The following CNGA1 variants were observed in gnomAD, a reference collection of about 807,000 sequenced individuals.
CNGA1 encodes cyclic nucleotide gated channel subunit alpha 1.
CNGA1 carries 53 observed loss-of-function variants against 69.7 expected under a neutral mutation model. That is an observed-to-expected ratio of 0.76 (90% confidence interval 0.61 to 0.96). The LOEUF is 0.96. Among genes scored for constraint, CNGA1 ranks in the 40% least tolerant of loss-of-function variants. The probability of loss-of-function intolerance (pLI) is 0.00; values close to 1 mark genes in which losing one functional copy is unlikely to be tolerated. For missense variants in CNGA1, 739 were observed against 811.2 expected (o/e 0.91, Z 1.08); for synonymous variants, 249 against 283.5 (o/e 0.88, Z 1.22).
At chr4:47,966,213 C>T (rs1484457503) in intron 3 of CNGA1, among the ~76,000 whole-genome samples, 1 of 152,230 alleles carries the variant, frequency 6.6e-6, no homozygotes, top group Non-Finnish European at 1.5e-5. Context: ...TGAAGTCATG[C>T]TCTAGCTTGG....
intron 2 of CNGA1, among the ~76,000 whole-genome samples, chr4:47,982,935 G>A (rs80176987): frequency 0.11 from 17,176 of 152,008 alleles, 1,543 homozygotes; most frequent in East Asian, 0.31. Context: ...CTCCCAAGTA[G>A]CTGGGATTAC....
rs576952418 is a variant in CNGA1 at position 48,001,872 on chromosome 4, A to G, written c.-123+8922T>C. Among the ~76,000 whole-genome samples the G allele has an allele frequency of 3.1e-4, 47 of 152,344 alleles. No individual in the cohort carries two copies. The South Asian group carries it at 4.6e-3, about 15-fold the overall frequency. On this transcript the variant is annotated intron_variant, in intron 2 of 10. Transcript: ENST00000514170. ...CAAAAGAGGATTAAACTGATAACCA[A>G]TAACAGAAGGATATCTGGAAAAGCT...
intron 3 of CNGA1, among the ~76,000 whole-genome samples, chr4:47,958,728 T>C (rs915967983): frequency 1.3e-5 from 2 of 152,130 alleles, no homozygotes; most frequent in Non-Finnish European, 2.9e-5. Flanking sequence ...CACTGGCTAC[T>C]ACATGGGTAC....
intron 2 of CNGA1, among the ~76,000 whole-genome samples, chr4:48,005,334 T>C (rs1714874918): frequency 6.6e-6 from 1 of 152,152 alleles, no homozygotes; most frequent in South Asian, 2.1e-4. Flanking sequence ...GCCAGGCTGG[T>C]CTCGAACTCC....
chr4:47,978,066 T>A (rs1741509925), intron 3 of CNGA1, among the ~76,000 whole-genome samples: 1 of 152,182 alleles, frequency 6.6e-6, no homozygotes, highest in Non-Finnish European at 1.5e-5. Flanking sequence ...CCTCAGGTGA[T>A]CCACCCACCT....
At chr4:47,991,175 G>C (rs969482617) in intron 2 of CNGA1, among the ~76,000 whole-genome samples, 1 of 152,178 alleles carries the variant, frequency 6.6e-6, no homozygotes, top group Non-Finnish European at 1.5e-5. Flanking sequence ...TAGATACCGA[G>C]TACTGGGATT....
intron 6 of CNGA1, among the ~76,000 whole-genome samples, chr4:47,944,737 C>T (rs1313538034): frequency 6.6e-6 from 1 of 152,134 alleles, no homozygotes; most frequent in Non-Finnish European, 1.5e-5. Context: ...TGGTACTATC[C>T]TCTGTAGGCC....
chr4:47,965,829 G>GA (rs1272481720), intron 3 of CNGA1, among the ~76,000 whole-genome samples: 6 of 151,986 alleles, frequency 3.9e-5, no homozygotes, highest in Admixed American at 3.9e-4. Flanking sequence ...TGTAGTTTGA[G>GA]AAAAAAATTT....
chr4:47,938,772 G>A (rs1330093259), intron 10 of CNGA1, among the ~76,000 whole-genome samples: 1 of 151,856 alleles, frequency 6.6e-6, no homozygotes, highest in African/African-American at 2.4e-5. Context: ...TATTTCCTGG[G>A]TGATAGAAAT....
In CNGA1 at chr4:47,949,813, T is replaced by C; in HGVS notation, c.287+20A>G. 3 of 1,606,654 alleles carry C rather than the reference T, an allele frequency of 1.9e-6. No homozygotes were observed. The highest frequency in any genetic ancestry group is 2.7e-5 in the African/African-American group (2 of 74,930). On this transcript the variant is annotated intron_variant, in intron 6 of 10. Transcript: ENST00000514170. Reference sequence around the variant, plus strand: ...TTCTTTAAAACCAAAACTTTGGTTTTCTATTGTAAATATACTTACTGGTCC... The same window carrying C: ...TTCTTTAAAACCAAAACTTTGGTTTCCTATTGTAAATATACTTACTGGTCC...
chr4:47,992,688 A>C (rs1207549848), intron 2 of CNGA1, among the ~76,000 whole-genome samples: 1 of 144,388 alleles, frequency 6.9e-6, no homozygotes, highest in East Asian at 2.0e-4. Context: ...TTATTTATTT[A>C]TTTAGTCTGA....
At chr4:47,973,798 T>C (rs1741175727) in intron 3 of CNGA1, among the ~76,000 whole-genome samples, 2 of 152,120 alleles carry the variant, frequency 1.3e-5, no homozygotes, top group Admixed American at 6.5e-5. Context: ...TTTTACAGAA[T>C]GAACACATTA....
chr4:48,009,595 G>A (rs914757673), intron 2 of CNGA1, among the ~76,000 whole-genome samples: 1 of 152,120 alleles, frequency 6.6e-6, no homozygotes, highest in East Asian at 1.9e-4. Context: ...CCTGAGGTCA[G>A]GAATTCAAGA....
rs142350662 is a variant in CNGA1 at position 47,959,963 on chromosome 4, A to C, written c.-14-7260T>G. Among the ~76,000 whole-genome samples the C allele has an allele frequency of 1.5e-3, 230 of 152,320 alleles. 1 individual carries two copies. The highest frequency in any genetic ancestry group is 5.4e-3 in the African/African-American group (224 of 41,570). Reference sequence around the variant, plus strand: ...CAAAAATTATAAACTTTTGCTTATCAAAAGACATATAAGAAGATGTAAAGG... The same window carrying C: ...CAAAAATTATAAACTTTTGCTTATCCAAAGACATATAAGAAGATGTAAAGG... On this transcript the variant is annotated intron_variant, in intron 3 of 10. Coordinates refer to ENST00000514170, the MANE Select transcript of CNGA1 (RefSeq NM_001379270.1).
chr4:47,945,529 C>A (rs536023581), intron 6 of CNGA1, among the ~76,000 whole-genome samples: 4 of 152,116 alleles, frequency 2.6e-5, no homozygotes, highest in Non-Finnish European at 5.9e-5. Context: ...TCATCGTGGC[C>A]CCCTGTTAAA....
At chr4:48,007,669 TA>T (rs34214654) in intron 2 of CNGA1, among the ~76,000 whole-genome samples, 123,523 of 151,400 alleles carry the variant, frequency 0.82, 50,837 homozygotes, top group Non-Finnish European at 0.88. Flanking sequence ...AACCTTAACT[TA>T]AAAAAAAAAA....
At chr4:47,976,323 GTA>G (rs763402945) in intron 3 of CNGA1, among the ~76,000 whole-genome samples, 1 of 24,548 alleles carries the variant, frequency 4.1e-5, no homozygotes, top group Non-Finnish European at 1.2e-4. Context: ...ACATATATAT[GTA>G]TATATATATA....
At chr4:48,003,926 T>C (rs2109348896) in intron 2 of CNGA1, among the ~76,000 whole-genome samples, 1 of 150,840 alleles carries the variant, frequency 6.6e-6, no homozygotes, top group Middle Eastern at 3.4e-3. Flanking sequence ...TAGAAAAGAC[T>C]CTATCCTCCA....
intron 6 of CNGA1, among the ~76,000 whole-genome samples, chr4:47,943,961 T>C (rs764812980): frequency 2.0e-5 from 3 of 152,202 alleles, no homozygotes; most frequent in Non-Finnish European, 4.4e-5. Flanking sequence ...AATTTCTTCT[T>C]GAGTGGAGAC....
Sources: allele counts gnomAD v4.1 joint callset (sites outside exome capture counted in the v4.1 genomes callset), GRCh38; gene constraint gnomAD v4.1.1; transcripts MANE v1.5; gene names NCBI Gene and HGNC (gene_info 2026-07-23, HGNC 2026-07-21).